BBOX1: variants seen among roughly 807,000 people sequenced by gnomAD.
BBOX1 encodes gamma-butyrobetaine dioxygenase.
Under a neutral mutation model 41.6 loss-of-function variants are expected in BBOX1, and 35 were observed. The observed-to-expected ratio is 0.84, with a 90% CI of 0.64 to 1.11. BBOX1 has a LOEUF of 1.11. Among genes scored for constraint, BBOX1 ranks in the 50% most tolerant of loss-of-function variants. BBOX1 has a pLI of 0.00. For synonymous variants in BBOX1, 163 were observed against 154.7 expected, an observed-to-expected ratio of 1.05 and a Z score of -0.40; for missense variants, 458 against 460.6, an observed-to-expected ratio of 0.99 and a Z score of 0.05.
chr11:27,102,538 G>A lies in BBOX1; in HGVS notation c.533+9172G>A, dbSNP rs1007066233. Among the ~76,000 whole-genome samples the A allele has an allele frequency of 2.6e-5, 4 of 151,776 alleles. No homozygotes were observed. The South Asian group carries it at 8.3e-4, about 32-fold the overall frequency. On this transcript the variant is annotated intron_variant, in intron 5 of 8. Transcript: ENST00000263182. The stretch of plus-strand genomic sequence containing the variant: ...ATGGTGTTCACTTCCTTTCTTTCCT[G>A]GTTTAGAGTATTATCATCAACAAGC...
chr11:27,126,583 T>C (rs1859661587), intron 8 of BBOX1, among the ~76,000 whole-genome samples: 1 of 152,082 alleles, frequency 6.6e-6, no homozygotes, highest in Admixed American at 6.6e-5. Context: ...TAATGTGGCA[T>C]AAAATACTAG....
chr11:27,045,026 G>A (rs1036255239), intron 2 of BBOX1, among the ~76,000 whole-genome samples: 1 of 152,132 alleles, frequency 6.6e-6, no homozygotes, highest in Non-Finnish European at 1.5e-5. Flanking sequence ...GGGCAGTATG[G>A]CCATTTTCAC....
intron 4 of BBOX1, chr11:27,057,570 G>A: frequency 1.0e-5 from 4 of 396,566 alleles, no homozygotes; most frequent in Non-Finnish European, 1.8e-5. Flanking sequence ...GTCATCTAAA[G>A]CAAAACCTGG....
At chr11:27,122,162 AT>A (rs1859487895) in intron 7 of BBOX1, among the ~76,000 whole-genome samples, 2 of 152,158 alleles carry the variant, frequency 1.3e-5, no homozygotes, top group Admixed American at 1.3e-4. Flanking sequence ...AATGTCTTTT[AT>A]GCTGCTGACT....
intron 4 of BBOX1, chr11:27,057,551 T>C (rs566701415): frequency 4.7e-6 from 2 of 423,756 alleles, no homozygotes; most frequent in Admixed American, 4.5e-5. Flanking sequence ...CCAGCAAACT[T>C]GTGTCTTTGT....
At chr11:27,073,804 T>C (rs1857543777) in intron 4 of BBOX1, among the ~76,000 whole-genome samples, 1 of 151,560 alleles carries the variant, frequency 6.6e-6, no homozygotes, top group African/African-American at 2.4e-5. Context: ...CAGCAAACTA[T>C]CACAAGGACA....
intron 2 of BBOX1, among the ~76,000 whole-genome samples, chr11:27,049,197 C>T (rs189429015): frequency 5.9e-5 from 9 of 151,944 alleles, no homozygotes; most frequent in East Asian, 1.9e-4. Context: ...TTCCCACTAA[C>T]GGTGTACAAG....
At chr11:27,073,328 C>T (rs1248771533) in intron 4 of BBOX1, among the ~76,000 whole-genome samples, 1 of 152,110 alleles carries the variant, frequency 6.6e-6, no homozygotes, top group Admixed American at 6.5e-5. Flanking sequence ...TCATCACTGG[C>T]CATCAGAGAA....
At chr11:27,045,352 T>C (rs1851458896) in intron 2 of BBOX1, among the ~76,000 whole-genome samples, 1 of 152,214 alleles carries the variant, frequency 6.6e-6, no homozygotes, top group South Asian at 2.1e-4. Flanking sequence ...GTTTTCTAAA[T>C]GTACAATTCA....
intron 4 of BBOX1, among the ~76,000 whole-genome samples, chr11:27,074,069 A>C (rs1206236230): frequency 1.3e-5 from 2 of 152,076 alleles, no homozygotes; most frequent in African/African-American, 4.8e-5. Context: ...TAATATAAAA[A>C]AAAGTGTGTG....
In BBOX1 at chr11:27,057,824, G is replaced by T. The variant is rs550158505; in HGVS notation, c.334+509G>T. On this transcript the variant is annotated intron_variant, in intron 4 of 8. Transcript: ENST00000263182. ...TGTGTGTGTGCATGTACACACACAT[G>T]CACACAAAGCCACGTTTGTCTAGGA... Among the ~76,000 whole-genome samples the T allele has an allele frequency of 2.0e-4, 30 of 152,014 alleles. No individual in the cohort carries two copies. The South Asian group carries it at 3.3e-3, about 17-fold the overall frequency.
chr11:27,059,743 T>A (rs1047637139), intron 4 of BBOX1, among the ~76,000 whole-genome samples: 6 of 152,202 alleles, frequency 3.9e-5, no homozygotes, highest in East Asian at 1.9e-4. Flanking sequence ...GGAGATAATT[T>A]TGGAGCCTTA....
At chr11:27,082,801 T>G (rs1245259341) in intron 4 of BBOX1, among the ~76,000 whole-genome samples, 4 of 152,186 alleles carry the variant, frequency 2.6e-5, no homozygotes, top group African/African-American at 9.7e-5. Flanking sequence ...ACACTGCCAT[T>G]TATGGTTTCT....
At chr11:27,063,656 C>CAA (rs11354714) in intron 4 of BBOX1, among the ~76,000 whole-genome samples, 27 of 141,664 alleles carry the variant, frequency 1.9e-4, no homozygotes, top group Admixed American at 5.0e-4. Context: ...ATTGCACAGT[C>CAA]AAAAAAAAAA....
chr11:27,127,493 T>C lies in BBOX1; in HGVS notation c.*40T>C, dbSNP rs773461545. 6.4e-7 allele frequency: 1 copy of C among 1,572,186 alleles called. No individual in the cohort carries two copies. Among genetic ancestry groups the C allele is most frequent in the Non-Finnish European group, 8.6e-7 (1 of 1,162,908 alleles). Reference sequence around the variant, plus strand: ...AATTTTAATAAGATTCCAATGACCATATTTTGTGAGATATGGCACATTATT... The same window carrying C: ...AATTTTAATAAGATTCCAATGACCACATTTTGTGAGATATGGCACATTATT... On this transcript the variant is annotated 3_prime_UTR_variant, in exon 9 of 9. Transcript: ENST00000263182.
chr11:27,093,389 T>C, intron 5 of BBOX1, 23 bp downstream of exon 5: 1 of 1,608,284 alleles, frequency 6.2e-7, no homozygotes, highest in Non-Finnish European at 8.5e-7. Context: ...ATGGTTTGTA[T>C]TCTGCCATCA....
At chr11:27,062,145 G>A (rs1281295689) in intron 4 of BBOX1, among the ~76,000 whole-genome samples, 4 of 152,166 alleles carry the variant, frequency 2.6e-5, no homozygotes, top group African/African-American at 9.7e-5. Flanking sequence ...AGAAAGTAAG[G>A]AAATTCTCAA....
chr11:27,043,811 T>C (rs540077334), intron 2 of BBOX1, among the ~76,000 whole-genome samples: 104 of 152,318 alleles, frequency 6.8e-4, no homozygotes, highest in Non-Finnish European at 1.3e-3. Flanking sequence ...CCATGGTGTA[T>C]ATATGCCACA....
intron 5 of BBOX1, among the ~76,000 whole-genome samples, chr11:27,099,634 C>T (rs1444757714): frequency 6.6e-6 from 1 of 152,032 alleles, no homozygotes; most frequent in Non-Finnish European, 1.5e-5. Flanking sequence ...GGATTACGTC[C>T]TTGACAGCTG....
Sources: allele counts gnomAD v4.1 joint callset (sites outside exome capture counted in the v4.1 genomes callset), GRCh38; gene constraint gnomAD v4.1.1; transcripts MANE v1.5; gene names NCBI Gene and HGNC (gene_info 2026-07-23, HGNC 2026-07-21).